Variants in CDK19 observed in about 807,000 individuals in gnomAD.
The protein encoded by CDK19 is cyclin dependent kinase 19, also known as cyclin-dependent kinase 19.
In CDK19, 20 loss-of-function variants were observed where a neutral mutation model predicts 68.3. The observed-to-expected ratio is 0.29, with a 90% CI of 0.21 to 0.43. The LOEUF (loss-of-function observed/expected upper bound fraction) is 0.43, where lower values mean the gene tolerates loss of function less well. Ranked by LOEUF, CDK19 falls within the 20% of genes least tolerant of loss-of-function variation. The pLI is 1.00. For synonymous variants in CDK19, 221 were observed against 222.8 expected, an observed-to-expected ratio of 0.99 and a Z score of 0.07; for missense variants, 339 against 623.5, an observed-to-expected ratio of 0.54 and a Z score of 4.86.
At chr6:110,737,564 G>A (rs1220200623) in intron 2 of CDK19, among the ~76,000 whole-genome samples, 2 of 152,144 alleles carry the variant, frequency 1.3e-5, no homozygotes, top group Admixed American at 6.6e-5. Context: ...CGATAGGACT[G>A]GAGGTTCTAT....
chr6:110,692,503 AG>A (rs1428103747), intron 2 of CDK19, among the ~76,000 whole-genome samples: 9 of 152,186 alleles, frequency 5.9e-5, no homozygotes, highest in Admixed American at 5.9e-4. Flanking sequence ...AAATAGGCAA[AG>A]GTAAAAATAA....
chr6:110,668,811 A>G (rs1220376571), intron 3 of CDK19, among the ~76,000 whole-genome samples: 2 of 151,908 alleles, frequency 1.3e-5, no homozygotes, highest in African/African-American at 2.4e-5. Flanking sequence ...CAGCCTGGAC[A>G]ACAAAAGTGA....
intron 1 of CDK19, among the ~76,000 whole-genome samples, chr6:110,764,868 T>C (rs185239357): frequency 3.8e-4 from 57 of 151,952 alleles, no homozygotes; most frequent in Middle Eastern, 3.4e-3. Context: ...GGAGAATTGC[T>C]TGAACTCAGG....
chr6:110,649,213 C>T (rs1028296419), intron 4 of CDK19, among the ~76,000 whole-genome samples: 1 of 151,868 alleles, frequency 6.6e-6, no homozygotes, highest in African/African-American at 2.4e-5. Flanking sequence ...AGCAGAGACC[C>T]TCAATGGAAT....
At chr6:110,734,520 G>GCTCTCTCTCTCTCTCTCTCT (rs34004722) in intron 2 of CDK19, among the ~76,000 whole-genome samples, 2,874 of 85,702 alleles carry the variant, frequency 0.034, 689 homozygotes, top group Admixed American at 0.065. Context: ...GGTGAGCACT[G>GCTCTCTCTCTCTCTCTCTCT]CTCTCTCTCT....
chr6:110,743,126 T>C (rs1777800799), intron 2 of CDK19, among the ~76,000 whole-genome samples: 1 of 152,156 alleles, frequency 6.6e-6, no homozygotes, highest in South Asian at 2.1e-4. Flanking sequence ...CGTTGAAATA[T>C]TAGGAGCTGG....
At chr6:110,780,372 G>A (rs906642228) in intron 1 of CDK19, among the ~76,000 whole-genome samples, 2 of 140,928 alleles carry the variant, frequency 1.4e-5, no homozygotes, top group Admixed American at 7.2e-5. Flanking sequence ...CCTGATGACA[G>A]AGTGACACTC....
chr6:110,639,016 C>T (rs779489987), intron 4 of CDK19, among the ~76,000 whole-genome samples: 2 of 152,126 alleles, frequency 1.3e-5, no homozygotes, highest in African/African-American at 2.4e-5. Context: ...AATTTTTAAA[C>T]CTGCACAGTT....
chr6:110,675,811 C>A (rs1771478385), intron 2 of CDK19, among the ~76,000 whole-genome samples: 1 of 152,166 alleles, frequency 6.6e-6, no homozygotes, highest in South Asian at 2.1e-4. Flanking sequence ...TGCTCATTAA[C>A]AATGCACCTG....
intron 1 of CDK19, among the ~76,000 whole-genome samples, chr6:110,755,102 A>G (rs1017473453): frequency 6.8e-6 from 1 of 146,374 alleles, no homozygotes; most frequent in African/African-American, 2.5e-5. Flanking sequence ...GTGCAGTGGC[A>G]CAATCTCAAC....
chr6:110,758,643 T>C (rs1051719242), intron 1 of CDK19, among the ~76,000 whole-genome samples: 2 of 152,192 alleles, frequency 1.3e-5, no homozygotes, highest in Non-Finnish European at 2.9e-5. Flanking sequence ...GAAAACTGTC[T>C]TTTAACTACA....
intron 5 of CDK19, among the ~76,000 whole-genome samples, chr6:110,633,844 C>T (rs1377396503): frequency 1.3e-5 from 2 of 152,142 alleles, no homozygotes; most frequent in African/African-American, 2.4e-5. Context: ...AAATGACTTG[C>T]CTGTGGTCAC....
intron 1 of CDK19, among the ~76,000 whole-genome samples, chr6:110,760,393 T>A (rs1458700844): frequency 1.1e-5 from 1 of 92,952 alleles, no homozygotes; most frequent in South Asian, 3.5e-4. Context: ...CAAGGCTTTG[T>A]CTCAAAAAAA....
intron 4 of CDK19, among the ~76,000 whole-genome samples, chr6:110,650,437 G>C (rs1780889824): frequency 6.6e-6 from 1 of 152,100 alleles, no homozygotes; most frequent in Non-Finnish European, 1.5e-5. Flanking sequence ...ACAGTTCACT[G>C]TATTTTTATG....
chr6:110,728,928 T>C (rs375802062), intron 2 of CDK19, among the ~76,000 whole-genome samples: 17 of 152,350 alleles, frequency 1.1e-4, no homozygotes, highest in African/African-American at 3.6e-4. Flanking sequence ...GCTCTTATCA[T>C]CTTGTGTGAA....
chr6:110,674,320 C>T (rs1771289076), intron 2 of CDK19, among the ~76,000 whole-genome samples: 1 of 152,146 alleles, frequency 6.6e-6, no homozygotes, highest in South Asian at 2.1e-4. Context: ...CTACAATGGC[C>T]TCCAACTGTT....
intron 2 of CDK19, among the ~76,000 whole-genome samples, chr6:110,723,193 C>T (rs970993895): frequency 2.0e-5 from 3 of 148,208 alleles, no homozygotes; most frequent in Non-Finnish European, 3.0e-5. Context: ...CTTTAACATT[C>T]GAGGCCGCCA....
rs1037263930 is a variant in CDK19 at position 110,612,129 on chromosome 6, T to C, written c.*2406A>G. 178 of 152,256 alleles carry C rather than the reference T, an allele frequency of 1.2e-3. 2 individuals carry two copies. Among genetic ancestry groups the C allele is most frequent in the Admixed American group, 0.012 (177 of 15,288 alleles). The allele number at this position is 152,256 out of a possible 1,614,324, so 9.4% of individuals were successfully genotyped here. On this transcript the variant is annotated 3_prime_UTR_variant, in exon 13 of 13. Coordinates refer to ENST00000368911, the MANE Select transcript of CDK19 (RefSeq NM_015076.5). ...GCTGCTTATAAAGTATTAAGGGGCATAGTATTTTGGTTTACATATCTATCT... is the reference window on the plus strand; with the variant it reads ...GCTGCTTATAAAGTATTAAGGGGCACAGTATTTTGGTTTACATATCTATCT...
At position 110,772,955 on chromosome 6, in the gene CDK19, C is replaced by T. The variant is rs995474043; in HGVS notation, c.129-26754G>A. 5.3e-5 allele frequency among the ~76,000 whole-genome samples: 8 copies of T among 149,554 alleles called. No individual in the cohort carries two copies. In the East Asian group the frequency reaches 1.6e-3, roughly 29 times the overall value. On this transcript the variant is annotated intron_variant, in intron 1 of 12. Transcript: ENST00000368911. Reference sequence around the variant, plus strand: ...CCATAGCAGGGCGTGGTGGCCAATGCCTATAATCTTAGCACTTTGGGAGGC... The same window carrying T: ...CCATAGCAGGGCGTGGTGGCCAATGTCTATAATCTTAGCACTTTGGGAGGC...
Sources: allele counts gnomAD v4.1 joint callset (sites outside exome capture counted in the v4.1 genomes callset), GRCh38; gene constraint gnomAD v4.1.1; transcripts MANE v1.5; gene names NCBI Gene and HGNC (gene_info 2026-07-23, HGNC 2026-07-21).